ANK3: variants seen among roughly 807,000 people sequenced by gnomAD.
ANK3 encodes the protein ankyrin-3.
A neutral mutation model predicts 370.9 loss-of-function variants in ANK3; 57 were observed. The ratio of observed to expected loss-of-function variants is 0.15; its 90% confidence interval spans 0.12 to 0.19. ANK3 has a LOEUF of 0.19. Among genes scored for constraint, ANK3 ranks in the 10% least tolerant of loss-of-function variants. The probability of loss-of-function intolerance (pLI) is 1.00; values close to 1 mark genes in which losing one functional copy is unlikely to be tolerated. For synonymous variants in ANK3, 1,929 were observed against 1,946.3 expected, an observed-to-expected ratio of 0.99 and a Z score of 0.23; for missense variants, 4,439 against 5,302.1, an observed-to-expected ratio of 0.84 and a Z score of 5.06.
At position 60,070,044 on chromosome 10, in the gene ANK3, G is replaced by A; in HGVS notation, c.10837C>T (p.Arg3613Cys). The A allele has an allele frequency of 6.2e-7, 1 of 1,614,112 alleles. No homozygotes were observed. Among genetic ancestry groups the A allele is most frequent in the Non-Finnish European group, 8.5e-7 (1 of 1,180,008 alleles). Residue 3613 changes from arginine (R) to cysteine (C), a missense_variant, in exon 37 of 44, where the codon CGC (arginine) becomes TGC (cysteine). Arg to Cys is a radical substitution (Grantham distance 180). Coordinates refer to ENST00000280772, the MANE Select transcript of ANK3 (RefSeq NM_020987.5). This position sits in a 1 kb window ranked among gnomAD's most constrained non-coding sequence, Gnocchi z 5.7. ...TTGCTCATGTCAATTGCACCACTGC[G>A]AGTCATCTCAAACATTTTTCCTTCA... ...FHEGKMFEMT[R>C]SGAIDMSKRD...
At chr10:60,252,386 G>GCT (rs1333477586) in intron 7 of ANK3, among the ~76,000 whole-genome samples, 3 of 152,152 alleles carry the variant, frequency 2.0e-5, no homozygotes, top group Admixed American at 6.5e-5. Context: ...GCAGCCCCTA[G>GCT]CTGTTATTTT....
intron 2 of ANK3, among the ~76,000 whole-genome samples, chr10:60,464,612 T>C (rs1182891863): frequency 6.6e-6 from 1 of 152,198 alleles, no homozygotes; most frequent in Non-Finnish European, 1.5e-5. Context: ...TTTCTGATTC[T>C]TTTCTTTAGC....
intron 16 of ANK3, among the ~76,000 whole-genome samples, chr10:60,192,918 G>C (rs2096517283): frequency 6.6e-6 from 1 of 151,406 alleles, no homozygotes; most frequent in Non-Finnish European, 1.5e-5. Context: ...TCCTGTTTGT[G>C]CCATGAGAAA....
At chr10:60,366,165 C>A (rs905982491) in intron 1 of ANK3, among the ~76,000 whole-genome samples, 3 of 151,838 alleles carry the variant, frequency 2.0e-5, no homozygotes, top group Non-Finnish European at 4.4e-5. Flanking sequence ...TGGTGAAATC[C>A]CGTCTCTACT....
At chr10:60,130,513 T>C (rs2094002678) in intron 25 of ANK3, among the ~76,000 whole-genome samples, 1 of 152,234 alleles carries the variant, frequency 6.6e-6, no homozygotes, top group South Asian at 2.1e-4. Context: ...AAGTTATATG[T>C]CATTGCTTTG....
intron 42 of ANK3, 86 bp downstream of exon 42, chr10:60,055,572 G>T: frequency 2.0e-6 from 3 of 1,466,444 alleles, no homozygotes; most frequent in Non-Finnish European, 1.8e-6. Flanking sequence ...AAAACCTTGG[G>T]CCCCCGGCTG....
At chr10:60,578,808 G>C (rs919334501) in intron 2 of ANK3, among the ~76,000 whole-genome samples, 41 of 151,804 alleles carry the variant, frequency 2.7e-4, no homozygotes, top group African/African-American at 9.7e-4. Flanking sequence ...AAAATAAAAG[G>C]GATTAGAAAA....
rs1344245446 is a variant in ANK3, at chr10:60,140,199, T to C, written c.2615-1112A>G. ...AAAAATACACTGTCAACTACTGTTT[T>C]TGCAAATGTAAAAACTAAACAGATC... On this transcript the variant is annotated intron_variant, in intron 23 of 43. Transcript: ENST00000280772. 11 of 795,684 alleles carry C rather than the reference T, an allele frequency of 1.4e-5. No individual in the cohort carries two copies. The East Asian group carries it at 2.1e-4, about 15-fold the overall frequency. The allele number at this position is 795,684 out of a possible 1,614,324, so 49.3% of individuals were successfully genotyped here.
At chr10:60,376,089 GAGA>G (rs2060734526) in intron 1 of ANK3, among the ~76,000 whole-genome samples, 1 of 152,162 alleles carries the variant, frequency 6.6e-6, no homozygotes, top group Non-Finnish European at 1.5e-5. Context: ...ACACTCCACA[GAGA>G]AGTAGTAGTA....
chr10:60,408,310 T>C (rs74745441), intron 2 of ANK3, among the ~76,000 whole-genome samples: 2,019 of 152,256 alleles, frequency 0.013, 37 homozygotes, highest in African/African-American at 0.046. Flanking sequence ...TGGGAGGTGA[T>C]TGGATCATGG....
At chr10:60,330,536 G>GT (rs2050985013) in intron 1 of ANK3, among the ~76,000 whole-genome samples, 1 of 152,144 alleles carries the variant, frequency 6.6e-6, no homozygotes, top group South Asian at 2.1e-4. Flanking sequence ...ATCATCACTG[G>GT]TCGTTAGAAA....
chr10:60,354,475 A>G (rs2057419849), intron 1 of ANK3, among the ~76,000 whole-genome samples: 1 of 152,270 alleles, frequency 6.6e-6, no homozygotes, highest in African/African-American at 2.4e-5. Context: ...GACAGATACT[A>G]TCTTCAAACT....
At chr10:60,457,388 AG>A (rs1188894390) in intron 2 of ANK3, among the ~76,000 whole-genome samples, 1 of 152,152 alleles carries the variant, frequency 6.6e-6, no homozygotes, top group Non-Finnish European at 1.5e-5. Context: ...GAAGGAAATG[AG>A]GAGAAGATAA....
intron 1 of ANK3, among the ~76,000 whole-genome samples, chr10:60,282,466 C>T (rs2098178141): frequency 6.6e-6 from 1 of 152,044 alleles, no homozygotes; most frequent in Non-Finnish European, 1.5e-5. Context: ...TCTTTTGAGA[C>T]TAATAAAGGT....
rs2065096365 is a variant in ANK3, at chr10:60,469,075, A to ATATATATATACCACTTTTAGTG, written c.96+146110_96+146111insCACTAAAAGTGGTATATATATA. 2.4e-4 allele frequency among the ~76,000 whole-genome samples: 15 copies of ATATATATATACCACTTTTAGTG among 61,810 alleles called. 2 individuals are homozygous for ATATATATATACCACTTTTAGTG. The highest frequency in any genetic ancestry group is 9.7e-4 in the African/African-American group (15 of 15,466). The allele number at this position is 61,810 out of a possible 152,430, so 40.5% of individuals were successfully genotyped here. ...TATATACCACTTTTAGTATATATAT[A>ATATATATATACCACTTTTAGTG]TATATATATATATATATATACCACT... On this transcript the variant is annotated intron_variant, in intron 2 of 43. Coordinates refer to the ANK3 transcript ENST00000373827.
At chr10:60,109,636 C>G (rs768897113) in intron 26 of ANK3, among the ~76,000 whole-genome samples, 1 of 152,100 alleles carries the variant, frequency 6.6e-6, no homozygotes, top group Non-Finnish European at 1.5e-5. Flanking sequence ...TAAATGTTTT[C>G]AGTATAAATA....
intron 1 of ANK3, chr10:60,300,483 G>A (rs561459892): frequency 1.0e-4 from 128 of 1,271,704 alleles, no homozygotes; most frequent in Non-Finnish European, 1.2e-4. Context: ...GGTAGGAGCT[G>A]GTCAGAAGCA....
intron 1 of ANK3, among the ~76,000 whole-genome samples, chr10:60,641,134 T>C (rs1166319298): frequency 6.7e-6 from 1 of 149,052 alleles, no homozygotes; most frequent in Non-Finnish European, 1.5e-5. Context: ...TAAAAGAGGA[T>C]ACAAACAAAT....
chr10:60,477,512 GACATACACAC>G (rs1442054676), intron 2 of ANK3, among the ~76,000 whole-genome samples: 7 of 115,426 alleles, frequency 6.1e-5, no homozygotes, highest in African/African-American at 2.0e-4. Context: ...CAGACAGACA[GACATACACAC>G]ACACACACAC....
Sources: gnomAD v4.1 joint callset for allele counts (sites outside exome capture counted in the v4.1 genomes callset) on GRCh38, gnomAD v4.1.1 for gene constraint, Gnocchi (gnomAD v3.1) non-coding constraint, MANE v1.5 for transcripts, NCBI Gene and HGNC (gene_info 2026-07-23, HGNC 2026-07-21) for gene names.